Variants in PALLD observed in about 807,000 individuals in gnomAD.
PALLD encodes the protein palladin.
In PALLD, 61 loss-of-function variants were observed where a neutral mutation model predicts 123.5. The observed-to-expected ratio is 0.49, with a 90% confidence interval of 0.40 to 0.61. The LOEUF is 0.61. Among genes scored for constraint, PALLD ranks in the 20% least tolerant of loss-of-function variants. PALLD has a pLI of 0.00. For synonymous variants in PALLD, 465 were observed against 496.4 expected (o/e 0.94, Z 0.84); for missense variants, 1,273 against 1,377.0 (o/e 0.92, Z 1.20).
intron 2 of PALLD, among the ~76,000 whole-genome samples, chr4:168,568,564 G>A (rs1402309708): frequency 6.6e-6 from 1 of 151,926 alleles, no homozygotes; most frequent in East Asian, 1.9e-4. Context: ...ATTGACATGT[G>A]CTTTACATTA....
chr4:168,906,832 C>T (rs1383374049), intron 15 of PALLD, among the ~76,000 whole-genome samples: 3 of 151,420 alleles, frequency 2.0e-5, no homozygotes, highest in African/African-American at 7.3e-5. Context: ...TACCCAAAGC[C>T]CAATATATAA....
At chr4:168,661,922 A>G (rs1489466611) in intron 2 of PALLD, among the ~76,000 whole-genome samples, 1 of 152,188 alleles carries the variant, frequency 6.6e-6, no homozygotes, top group Non-Finnish European at 1.5e-5. Context: ...AAATAAGGTC[A>G]TATTTGCATA....
At chr4:168,628,401 C>T (rs979101745) in intron 2 of PALLD, among the ~76,000 whole-genome samples, 2 of 152,168 alleles carry the variant, frequency 1.3e-5, no homozygotes, top group Non-Finnish European at 2.9e-5. Flanking sequence ...ACTGGTTTAG[C>T]GGGTCCTACA....
At chr4:168,730,571 C>T (rs996437095) in intron 10 of PALLD, among the ~76,000 whole-genome samples, 1 of 151,986 alleles carries the variant, frequency 6.6e-6, no homozygotes, top group African/African-American at 2.4e-5. Context: ...TCTTTGGCAC[C>T]AGCAAGTTGA....
At chr4:168,821,938 T>C (rs1000675445) in intron 10 of PALLD, among the ~76,000 whole-genome samples, 1 of 151,336 alleles carries the variant, frequency 6.6e-6, no homozygotes, top group Non-Finnish European at 1.5e-5. Flanking sequence ...CAATAGACTG[T>C]TGTTGAAGCC....
At chr4:168,715,112 T>C (rs1010989056) in intron 10 of PALLD, among the ~76,000 whole-genome samples, 1 of 152,036 alleles carries the variant, frequency 6.6e-6, no homozygotes, top group Non-Finnish European at 1.5e-5. Context: ...ATGATACCTC[T>C]CATAAAGTAG....
At position 168,761,645 on chromosome 4, in the gene PALLD, GTTTTTTTTT is replaced by G. The variant is rs70961555; in HGVS notation, c.1964+49745_1964+49753del. 9.1e-5 allele frequency among the ~76,000 whole-genome samples: 8 copies of G among 88,022 alleles called. 1 individual carries two copies. Among genetic ancestry groups the G allele is most frequent in the East Asian group, 8.1e-4 (2 of 2,462 alleles). The allele number at this position is 88,022 out of a possible 152,430, so 57.7% of individuals were successfully genotyped here. ...CCAGCTATTTTTGTTGTTGTTGTTT[GTTTTTTTTT>G]TTTTTTTTTTTTTTTTTTTTTTGTA... On this transcript the variant is annotated intron_variant, in intron 10 of 21. Transcript: ENST00000505667.
At chr4:168,653,645 A>T (rs2149930273) in intron 2 of PALLD, among the ~76,000 whole-genome samples, 1 of 152,346 alleles carries the variant, frequency 6.6e-6, no homozygotes, top group South Asian at 2.1e-4. Flanking sequence ...ACCTTTGAGT[A>T]TGCTGTTCTT....
At chr4:168,761,136 C>T (rs1196506190) in intron 10 of PALLD, among the ~76,000 whole-genome samples, 1 of 152,192 alleles carries the variant, frequency 6.6e-6, no homozygotes, top group African/African-American at 2.4e-5. Flanking sequence ...TCTTAAACTA[C>T]TTATATATTA....
chr4:168,729,652 C>G (rs1490570574), intron 10 of PALLD, among the ~76,000 whole-genome samples: 2 of 152,164 alleles, frequency 1.3e-5, no homozygotes, highest in Non-Finnish European at 2.9e-5. Context: ...TGTACTTTTA[C>G]CCTCTTCTTC....
At chr4:168,683,718 A>G (rs1020313277) in intron 5 of PALLD, among the ~76,000 whole-genome samples, 1 of 152,220 alleles carries the variant, frequency 6.6e-6, no homozygotes, top group Admixed American at 6.5e-5. Flanking sequence ...ATGTCTCTAA[A>G]TCATGGTTTA....
In PALLD at chr4:168,701,816, G is replaced by T. The variant is rs114361912; in HGVS notation, c.1502-7212G>T. ...TAGTCCAGGGACGTAAGCCCTGGTT[G>T]TCTAGGCAGGAAGTGCCCAGGTGTT... On this transcript the variant is annotated intron_variant, in intron 8 of 21. Transcript: ENST00000505667. 9.2e-3 allele frequency among the ~76,000 whole-genome samples: 1,408 copies of T among 152,290 alleles called. 12 individuals are homozygous for T. The highest frequency in any genetic ancestry group is 0.015 in the Non-Finnish European group (1,019 of 68,024).
intron 8 of PALLD, among the ~76,000 whole-genome samples, chr4:168,693,369 A>G (rs1160746088): frequency 1.3e-5 from 2 of 152,194 alleles, no homozygotes; most frequent in African/African-American, 4.8e-5. Flanking sequence ...TTGATTGTGA[A>G]TTATTTAATA....
rs947167280 is a variant in PALLD at position 168,866,628 on chromosome 4, T to A, written c.1965-24294T>A. Among the ~76,000 whole-genome samples, 72 of 152,336 alleles carry A rather than the reference T, an allele frequency of 4.7e-4. 1 individual carries two copies. Among genetic ancestry groups the A allele is most frequent in the African/African-American group, 1.5e-3 (64 of 41,570 alleles). ...TTAGTAGAGACCAACCATTCATTAG[T>A]TTCTCAATATAATGAACGCTAGTTG... On this transcript the variant is annotated intron_variant, in intron 10 of 21. Transcript: ENST00000505667.
At chr4:168,695,717 A>C (rs1303732175) in intron 8 of PALLD, among the ~76,000 whole-genome samples, 1 of 152,240 alleles carries the variant, frequency 6.6e-6, no homozygotes, top group Non-Finnish European at 1.5e-5. Flanking sequence ...ATTAGTAAGA[A>C]ATAGTGGTTA....
intron 19 of PALLD, 71 bp downstream of exon 19, chr4:168,924,491 TA>T: frequency 7.3e-7 from 1 of 1,363,916 alleles, no homozygotes; most frequent in Non-Finnish European, 1.0e-6. Context: ...ATACATTTTA[TA>T]TAGCATGGAA....
At chr4:168,801,537 C>T (rs1378168625) in intron 10 of PALLD, among the ~76,000 whole-genome samples, 1 of 152,192 alleles carries the variant, frequency 6.6e-6, no homozygotes, top group Non-Finnish European at 1.5e-5. Context: ...CTCGGCCTCC[C>T]AAAGTGCTGG....
At chr4:168,915,800 T>A (rs1157758696) in intron 16 of PALLD, 95 bp from the exon 17 acceptor site, 2 of 937,522 alleles carry the variant, frequency 2.1e-6, no homozygotes, top group Non-Finnish European at 3.5e-6. Context: ...GAAATCATAT[T>A]ATTACCCCAT....
intron 10 of PALLD, among the ~76,000 whole-genome samples, chr4:168,785,120 T>C (rs1208601929): frequency 1.6e-5 from 2 of 124,698 alleles, no homozygotes; most frequent in East Asian, 5.9e-4. Context: ...GGAAATACAA[T>C]GGGGCCCTGG....
Sources: allele counts gnomAD v4.1 joint callset (sites outside exome capture counted in the v4.1 genomes callset), GRCh38; gene constraint gnomAD v4.1.1; transcripts MANE v1.5; gene names NCBI Gene and HGNC (gene_info 2026-07-23, HGNC 2026-07-21).